CIB1: variants seen among roughly 807,000 people sequenced by gnomAD.
CIB1 encodes calcium and integrin binding 1.
Under a neutral mutation model 25.0 loss-of-function variants are expected in CIB1, and 19 were observed. The observed-to-expected ratio is 0.76, with a 90% CI of 0.53 to 1.12. The LOEUF (loss-of-function observed/expected upper bound fraction) is 1.12. CIB1 is among the 50% of genes most tolerant of loss of function. CIB1 has a pLI of 0.00. For synonymous variants in CIB1, 104 were observed against 98.5 expected (o/e 1.06, Z -0.33); for missense variants, 236 against 242.6 (o/e 0.97, Z 0.18).
the CIB1 span, chr15:90,256,051 G>C: frequency 6.4e-7 from 1 of 1,562,242 alleles, no homozygotes; most frequent in Non-Finnish European, 8.7e-7. Flanking sequence ...TCCAGGAAGA[G>C]CATGGACTAG....
chr15:90,233,513 C>T (rs1481817784), intron 2 of CIB1, among the ~76,000 whole-genome samples, 156 bp downstream of exon 2: 1 of 152,234 alleles, frequency 6.6e-6, no homozygotes, highest in Non-Finnish European at 1.5e-5. Context: ...GAGGGCGTGC[C>T]GGGAGGAGGG....
At chr15:90,258,208 G>C in the CIB1 span, 1 of 1,614,154 alleles carries the variant, frequency 6.2e-7, no homozygotes, top group African/African-American at 1.3e-5. Context: ...ACATGTGCCT[G>C]TTTTGAAATC....
chr15:90,235,258 C>G (rs1962607913), upstream of CIB1, among the ~76,000 whole-genome samples: 1 of 152,150 alleles, frequency 6.6e-6, no homozygotes, highest in Non-Finnish European at 1.5e-5. Flanking sequence ...TTAACAGGTA[C>G]ATTCCATCAT....
At chr15:90,262,070 C>T in the CIB1 span, 6 of 1,536,012 alleles carry the variant, frequency 3.9e-6, no homozygotes, top group Non-Finnish European at 4.4e-6. Flanking sequence ...GGATTCTCAC[C>T]TGGGAAAATA....
intron 2 of CIB1, among the ~76,000 whole-genome samples, chr15:90,232,720 A>C (rs1962528027): frequency 6.6e-6 from 1 of 152,180 alleles, no homozygotes; most frequent in Non-Finnish European, 1.5e-5. Context: ...CAGTCTGAGC[A>C]ACATGGTGAA....
chr15:90,251,688 A>G, the CIB1 span: 1 of 1,438,022 alleles, frequency 7.0e-7, no homozygotes. Context: ...TCAGGCTTCC[A>G]GCCCCTGGGG....
chr15:90,230,499 A>C lies in CIB1; in HGVS notation c.561T>G (p.Phe187Leu), dbSNP rs944325168. ...GGGGCTGCTGTCACAGGACAATCTTAAAGGAGCTGAACAAGAGAAAAGCGG... is the reference window on the plus strand; with the variant it reads ...GGGGCTGCTGTCACAGGACAATCTTCAAGGAGCTGAACAAGAGAAAAGCGG... ...ISRSPDFASS[F>L]KIVL is the part of the protein sequence containing the mutation. The change falls in exon 7 of 7, where the codon TTT becomes TTG. Residue 187 changes from phenylalanine to leucine, a missense_variant. Coordinates refer to ENST00000328649, the MANE Select transcript of CIB1 (RefSeq NM_006384.4). 3.2e-6 allele frequency: 5 copies of C among 1,551,688 alleles called. No individual in the cohort carries two copies. The highest frequency in any genetic ancestry group is 2.0e-5 in the Admixed American group (1 of 51,010).
intron 2 of CIB1, among the ~76,000 whole-genome samples, chr15:90,232,929 CA>C (rs35084096): frequency 0.29 from 39,604 of 136,110 alleles, 5,450 homozygotes; most frequent in East Asian, 0.45. Flanking sequence ...GACGCTGTCT[CA>C]AAAAAAAAAA....
At chr15:90,241,647 C>T in the CIB1 span, 3 of 1,614,222 alleles carry the variant, frequency 1.9e-6, no homozygotes, top group Non-Finnish European at 2.5e-6. Flanking sequence ...TTTGCATCTG[C>T]TCCAGGACCT....
chr15:90,230,416 A>G lies in CIB1; in HGVS notation c.*68T>C, dbSNP rs112061852. On this transcript the variant is annotated 3_prime_UTR_variant, in exon 7 of 7. Transcript: ENST00000328649. ...GGCCCGCACTGGCAACACAGGCTTG[A>G]CCTTGGCCACAGCTCAGCAGTAGAA... 3.6e-5 allele frequency: 56 copies of G among 1,536,986 alleles called. 1 individual carries two copies. The African/African-American group carries it at 4.8e-4, about 13-fold the overall frequency.
chr15:90,265,556 C>T, the CIB1 span: 5 of 1,379,414 alleles, frequency 3.6e-6, no homozygotes, highest in Non-Finnish European at 4.8e-6. Flanking sequence ...AAGGGTGGGC[C>T]ACTGAGCAGC....
chr15:90,230,672 C>T (rs535726945), intron 6 of CIB1, among the ~76,000 whole-genome samples, 167 bp from the exon 7 acceptor site: 1 of 151,998 alleles, frequency 6.6e-6, no homozygotes, highest in Non-Finnish European at 1.5e-5. Flanking sequence ...CTTTCTGGAC[C>T]CACACACTGG....
At chr15:90,254,078 G>A in the CIB1 span, among the ~76,000 whole-genome samples, 10 of 152,284 alleles carry the variant, frequency 6.6e-5, no homozygotes, top group African/African-American at 2.4e-4. Context: ...GGGAGGCCAA[G>A]GCAGGTGGAT....
chr15:90,231,973 G>A (rs1043795230), intron 3 of CIB1, among the ~76,000 whole-genome samples: 5 of 152,204 alleles, frequency 3.3e-5, no homozygotes, highest in African/African-American at 1.2e-4. Flanking sequence ...CTCCTCTTAA[G>A]GGACAAAACT....
chr15:90,257,559 G>A, the CIB1 span: 2 of 1,343,176 alleles, frequency 1.5e-6, no homozygotes, highest in East Asian at 4.6e-5. Context: ...GAGGGGTGGG[G>A]AGCAACAAGG....
At chr15:90,238,387 G>A (rs183321224), upstream of CIB1, 4 of 152,354 alleles carry the variant, frequency 2.6e-5, no homozygotes, top group East Asian at 1.9e-4. Flanking sequence ...TCTCCAGGAC[G>A]TTTTCATCTT....
the CIB1 span, among the ~76,000 whole-genome samples, chr15:90,261,629 A>T: frequency 6.6e-6 from 1 of 151,726 alleles, no homozygotes. Flanking sequence ...AAAATACAAA[A>T]ATTGGCCAGG....
At chr15:90,240,597 G>A in the CIB1 span, among the ~76,000 whole-genome samples, 9 of 152,194 alleles carry the variant, frequency 5.9e-5, no homozygotes, top group Non-Finnish European at 1.0e-4. Flanking sequence ...GGGATCACCC[G>A]ATGTCAGGAG....
chr15:90,242,762 T>C, the CIB1 span: 2 of 152,326 alleles, frequency 1.3e-5, no homozygotes, highest in Non-Finnish European at 2.9e-5. Flanking sequence ...GTATTCATTT[T>C]CTACCTGATG....
Sources: allele counts gnomAD v4.1 joint callset (sites outside exome capture counted in the v4.1 genomes callset), GRCh38; gene constraint gnomAD v4.1.1; transcripts MANE v1.5; gene names NCBI Gene and HGNC (gene_info 2026-07-23, HGNC 2026-07-21).